Variants in HOMER1 observed in about 807,000 individuals in gnomAD.
The protein encoded by HOMER1 is homer scaffold protein 1.
Under a neutral mutation model 48.9 loss-of-function variants are expected in HOMER1, and 3 were observed. The observed-to-expected ratio is 0.06, with a 90% CI of 0.03 to 0.16. HOMER1 has a LOEUF of 0.16. Among genes scored for constraint, HOMER1 ranks in the 10% least tolerant of loss-of-function variants. The pLI, the probability that HOMER1 is intolerant of heterozygous loss-of-function variation, is 1.00. For synonymous variants in HOMER1, 134 were observed against 146.4 expected, an observed-to-expected ratio of 0.92 and a Z score of 0.61; for missense variants, 247 against 411.4, an observed-to-expected ratio of 0.60 and a Z score of 3.46.
rs539844021 is a variant in HOMER1, at chr5:79,436,360, T to C, written c.527+2650A>G. Among the ~76,000 whole-genome samples the C allele has an allele frequency of 3.3e-5, 5 of 152,298 alleles. No individual in the cohort carries two copies. The South Asian group carries it at 1.0e-3, about 32-fold the overall frequency. The stretch of plus-strand genomic sequence containing the variant: ...AGTTACTAACTTCCTGACACAACAA[T>C]GTGCTTGTGTTGGGTATTTGCCTAA... On this transcript the variant is annotated intron_variant, in intron 5 of 8. Transcript: ENST00000334082.
chr5:79,410,005 C>T (rs946848536), intron 5 of HOMER1, among the ~76,000 whole-genome samples: 1 of 152,172 alleles, frequency 6.6e-6, no homozygotes, highest in African/African-American at 2.4e-5. Context: ...AATTCTACTT[C>T]TAGGTATATG....
At position 79,496,272 on chromosome 5, in the gene HOMER1, GTCAA is replaced by G. The variant is rs141160215; in HGVS notation, c.5+16494_5+16497del. Among the ~76,000 whole-genome samples the G allele has an allele frequency of 5.2e-3, 793 of 152,240 alleles. 7 individuals are homozygous for G. Among genetic ancestry groups the G allele is most frequent in the African/African-American group, 0.018 (756 of 41,554 alleles). On this transcript the variant is annotated intron_variant, in intron 1 of 8. Transcript: ENST00000334082. ...AATGAAATTCCCACCCCTTCCCACA[GTCAA>G]TCAACTACCTTTTCCAATAGCAGAA...
intron 1 of HOMER1, among the ~76,000 whole-genome samples, chr5:79,467,958 T>C (rs1366423412): frequency 6.6e-6 from 1 of 152,058 alleles, no homozygotes; most frequent in African/African-American, 2.4e-5. Context: ...TTTTAGTTTC[T>C]AGAGATGGGG....
chr5:79,462,496 A>G (rs576495691), intron 1 of HOMER1, among the ~76,000 whole-genome samples: 19 of 152,226 alleles, frequency 1.2e-4, no homozygotes, highest in Admixed American at 2.6e-4. Flanking sequence ...GAATGTTAAG[A>G]TAACCCTGAG....
At chr5:79,503,320 G>A (rs1319520520) in intron 1 of HOMER1, among the ~76,000 whole-genome samples, 2 of 151,672 alleles carry the variant, frequency 1.3e-5, no homozygotes, top group African/African-American at 4.8e-5. Context: ...ATCACTTGAG[G>A]TCAGGAGCTC....
At chr5:79,384,008 C>G (rs1283349577) in intron 8 of HOMER1, among the ~76,000 whole-genome samples, 2 of 150,674 alleles carry the variant, frequency 1.3e-5, no homozygotes, top group Admixed American at 6.6e-5. Context: ...AAAGTAAAAG[C>G]AGTACTAAGA....
rs375454516 is a variant in HOMER1 at position 79,421,997 on chromosome 5, A to C, written c.527+17013T>G. On this transcript the variant is annotated intron_variant, in intron 5 of 8. Transcript: ENST00000334082. The stretch of plus-strand genomic sequence containing the variant: ...ATCCCAGCACTTTGGGAGGCCAAGG[A>C]GGGTGAATCATTTGAGGTCAGGAGT... Among the ~76,000 whole-genome samples the C allele has an allele frequency of 6.6e-5, 10 of 152,096 alleles. No homozygotes were observed. The East Asian group carries it at 9.6e-4, about 15-fold the overall frequency.
chr5:79,448,799 AC>A (rs912314734), intron 3 of HOMER1, among the ~76,000 whole-genome samples: 2 of 152,132 alleles, frequency 1.3e-5, no homozygotes, highest in Non-Finnish European at 2.9e-5. Flanking sequence ...TTGGATCAAA[AC>A]ATTCTGAAGA....
At chr5:79,406,965 T>C (rs1417458890) in intron 5 of HOMER1, among the ~76,000 whole-genome samples, 2 of 152,156 alleles carry the variant, frequency 1.3e-5, no homozygotes, top group Non-Finnish European at 2.9e-5. Flanking sequence ...TCGTCTATTA[T>C]AGCAGCCTTC....
chr5:79,393,225 A>T (rs1749298474), intron 8 of HOMER1, among the ~76,000 whole-genome samples: 1 of 152,210 alleles, frequency 6.6e-6, no homozygotes, highest in Non-Finnish European at 1.5e-5. Flanking sequence ...AATAAAAAAC[A>T]AGATCATTTC....
At position 79,512,979 on chromosome 5, in the gene HOMER1, C is replaced by A; in HGVS notation, c.-205G>T. ...TCTTGTAAATACCAAAACGTTCAAA[C>A]AGAGGCGGCATTTGCTTATTCGAGT... On this transcript the variant is annotated 5_prime_UTR_variant, in exon 1 of 9. Transcript: ENST00000334082. The A allele has an allele frequency of 1.7e-6, 1 of 585,378 alleles. No homozygotes were observed. Among genetic ancestry groups the A allele is most frequent in the Non-Finnish European group, 3.0e-6 (1 of 329,246 alleles). The allele number at this position is 585,378 out of a possible 1,614,324, so 36.3% of individuals were successfully genotyped here.
At chr5:79,480,564 A>C (rs955423322) in intron 1 of HOMER1, among the ~76,000 whole-genome samples, 1 of 152,248 alleles carries the variant, frequency 6.6e-6, no homozygotes, top group Non-Finnish European at 1.5e-5. Flanking sequence ...AATCTTTGTT[A>C]GTGTCATGCT....
At chr5:79,468,475 T>C (rs1751535963) in intron 1 of HOMER1, among the ~76,000 whole-genome samples, 1 of 152,248 alleles carries the variant, frequency 6.6e-6, no homozygotes, top group Non-Finnish European at 1.5e-5. Context: ...GCATTTTGGA[T>C]AAACTGTGTC....
intron 3 of HOMER1, 146 bp downstream of exon 3, chr5:79,450,844 T>C: frequency 1.5e-6 from 1 of 683,630 alleles, no homozygotes; most frequent in Non-Finnish European, 2.3e-6. Flanking sequence ...AATGATCTCT[T>C]ACTTCTTGCT....
chr5:79,420,014 G>A (rs1467281359), intron 5 of HOMER1, among the ~76,000 whole-genome samples: 8 of 152,026 alleles, frequency 5.3e-5, no homozygotes, highest in Admixed American at 2.6e-4. Context: ...TCTGCATTAC[G>A]ATTTGCATTT....
intron 1 of HOMER1, among the ~76,000 whole-genome samples, chr5:79,467,634 G>A (rs541878587): frequency 6.6e-6 from 1 of 152,284 alleles, no homozygotes; most frequent in South Asian, 2.1e-4. Context: ...AATTTGAAAA[G>A]TGGATATGTG....
chr5:79,470,482 C>A (rs1167914922), intron 1 of HOMER1, among the ~76,000 whole-genome samples: 1 of 152,172 alleles, frequency 6.6e-6, no homozygotes, highest in Admixed American at 6.5e-5. Flanking sequence ...AGCAGATACA[C>A]AACACCCATC....
intron 1 of HOMER1, among the ~76,000 whole-genome samples, chr5:79,500,684 T>C (rs919342822): frequency 6.6e-6 from 1 of 151,766 alleles, no homozygotes; most frequent in Non-Finnish European, 1.5e-5. Context: ...TGGAGTGTAA[T>C]GGTATGATCT....
intron 5 of HOMER1, among the ~76,000 whole-genome samples, chr5:79,407,123 T>G (rs1388740752): frequency 6.6e-6 from 1 of 152,118 alleles, no homozygotes; most frequent in African/African-American, 2.4e-5. Context: ...TTAAAGGCTA[T>G]AGCATACTCA....
Sources: allele counts gnomAD v4.1 joint callset (sites outside exome capture counted in the v4.1 genomes callset), GRCh38; gene constraint gnomAD v4.1.1; transcripts MANE v1.5; gene names NCBI Gene and HGNC (gene_info 2026-07-23, HGNC 2026-07-21).